FHL2: variants seen among roughly 807,000 people sequenced by gnomAD.
The protein encoded by FHL2 is four and a half LIM domains 2, also known as four and a half LIM domains protein 2.
In FHL2, 20 loss-of-function variants were observed where a neutral mutation model predicts 32.7. That is an observed-to-expected ratio of 0.61 (90% CI 0.43 to 0.89). FHL2 has a LOEUF of 0.89. Among genes scored for constraint, FHL2 ranks in the 40% least tolerant of loss-of-function variants. The pLI is 0.00. For missense variants in FHL2, 311 were observed against 358.6 expected, an observed-to-expected ratio of 0.87 and a Z score of 1.07; for synonymous variants, 123 against 128.1, an observed-to-expected ratio of 0.96 and a Z score of 0.27.
At chr2:105,409,480 C>A (rs1160868649) in intron 1 of FHL2, among the ~76,000 whole-genome samples, 1 of 152,156 alleles carries the variant, frequency 6.6e-6, no homozygotes, top group Non-Finnish European at 1.5e-5. Flanking sequence ...GATTTGCCAG[C>A]TCTTTAGGTC....
chr2:105,371,908 A>G (rs955716202), intron 4 of FHL2, among the ~76,000 whole-genome samples: 3 of 152,074 alleles, frequency 2.0e-5, no homozygotes, highest in African/African-American at 7.2e-5. Flanking sequence ...ACGGGCTTCA[A>G]TTCTCATTTG....
rs560732387 is a variant in FHL2 at position 105,417,111 on chromosome 2, C to T, written c.-25+21288G>A. On this transcript the variant is annotated intron_variant, in intron 1 of 5. Coordinates refer to the FHL2 transcript ENST00000393352. Reference sequence around the variant, plus strand: ...AAAAGATGTGTGTTGCGGCCGGGCGCGGTGGCTCACGCCGGTAATCCCAGC... The same window carrying T: ...AAAAGATGTGTGTTGCGGCCGGGCGTGGTGGCTCACGCCGGTAATCCCAGC... Among the ~76,000 whole-genome samples, 12 of 152,296 alleles carry T rather than the reference C, an allele frequency of 7.9e-5. No homozygotes were observed. In the South Asian group the frequency reaches 1.9e-3, roughly 24 times the overall value.
chr2:105,399,311 G>T (rs1026304491), upstream of FHL2: 10 of 1,535,718 alleles, frequency 6.5e-6, no homozygotes, highest in Non-Finnish European at 8.7e-6. Flanking sequence ...GTGGGCTCTC[G>T]GGCGCGAGTT....
chr2:105,364,951 C>G (rs757219234), intron 5 of FHL2, among the ~76,000 whole-genome samples: 6 of 152,240 alleles, frequency 3.9e-5, no homozygotes, highest in Non-Finnish European at 7.3e-5. Context: ...TATAACCCAC[C>G]CCACTGCACA....
intron 1 of FHL2, among the ~76,000 whole-genome samples, chr2:105,420,255 A>G (rs965031846): frequency 2.6e-5 from 4 of 152,138 alleles, no homozygotes; most frequent in African/African-American, 9.7e-5. Flanking sequence ...TTTGCTGGCA[A>G]TCTTTGGCAT....
chr2:105,412,300 G>A (rs1047414436), intron 1 of FHL2, among the ~76,000 whole-genome samples: 7 of 152,180 alleles, frequency 4.6e-5, no homozygotes, highest in Non-Finnish European at 1.0e-4. Flanking sequence ...TGGACCTTGA[G>A]GTCATTATGC....
intron 1 of FHL2, among the ~76,000 whole-genome samples, chr2:105,421,117 T>C (rs1482944716): frequency 6.6e-6 from 1 of 152,230 alleles, no homozygotes; most frequent in Non-Finnish European, 1.5e-5. Context: ...TCAGACTCCA[T>C]GTGGTCCAGT....
chr2:105,434,483 A>G (rs554608335), intron 1 of FHL2, among the ~76,000 whole-genome samples: 10 of 152,224 alleles, frequency 6.6e-5, no homozygotes, highest in Non-Finnish European at 1.2e-4. Flanking sequence ...CACTAGAATC[A>G]CTTGAACCTG....
chr2:105,391,759 T>C (rs571827288), intron 2 of FHL2, among the ~76,000 whole-genome samples: 39 of 152,278 alleles, frequency 2.6e-4, no homozygotes, highest in African/African-American at 7.5e-4. Context: ...TACAAGGACT[T>C]ATTAACCTAA....
intron 2 of FHL2, chr2:105,389,953 G>C: frequency 6.6e-6 from 1 of 152,464 alleles, no homozygotes; most frequent in Non-Finnish European, 1.5e-5. Context: ...ATCTGGCCAG[G>C]TGCGGTGGCT....
chr2:105,372,234 T>A (rs997050462), intron 4 of FHL2, among the ~76,000 whole-genome samples: 2 of 13,570 alleles, frequency 1.5e-4, no homozygotes, highest in Non-Finnish European at 2.6e-4. Flanking sequence ...CATAACTTTC[T>A]TTTTTTTTTG....
chr2:105,392,018 G>T (rs577422143), intron 2 of FHL2, among the ~76,000 whole-genome samples: 100 of 152,316 alleles, frequency 6.6e-4, no homozygotes, highest in Admixed American at 3.3e-3. Flanking sequence ...CTTCGGCCCT[G>T]AATAGGGTAT....
At chr2:105,431,116 C>T (rs182071515) in intron 1 of FHL2, among the ~76,000 whole-genome samples, 1 of 152,290 alleles carries the variant, frequency 6.6e-6, no homozygotes, top group Admixed American at 6.5e-5. Context: ...TATAACATTT[C>T]CCCTCTACAA....
At chr2:105,428,232 A>G (rs1252822284) in intron 1 of FHL2, among the ~76,000 whole-genome samples, 2 of 152,168 alleles carry the variant, frequency 1.3e-5, no homozygotes, top group Non-Finnish European at 2.9e-5. Context: ...GAGTGGAGGT[A>G]TGCGTATATG....
At chr2:105,363,077 G>A in intron 6 of FHL2, 1 of 570,362 alleles carries the variant, frequency 1.8e-6, no homozygotes, top group Admixed American at 3.2e-5. Context: ...GTTGTGATCA[G>A]GTGGGCTGCA....
At chr2:105,415,744 A>T (rs1371915652) in intron 1 of FHL2, among the ~76,000 whole-genome samples, 1 of 152,230 alleles carries the variant, frequency 6.6e-6, no homozygotes, top group Non-Finnish European at 1.5e-5. Flanking sequence ...TAAGCAATGC[A>T]AATTTCTTAA....
upstream of FHL2, among the ~76,000 whole-genome samples, chr2:105,401,317 A>G (rs1385821266): frequency 2.0e-5 from 3 of 152,174 alleles, no homozygotes; most frequent in Non-Finnish European, 2.9e-5. Flanking sequence ...AGTTGTTTCA[A>G]AATAATTTGG....
chr2:105,420,379 C>T (rs1684063691), intron 1 of FHL2, among the ~76,000 whole-genome samples: 1 of 152,164 alleles, frequency 6.6e-6, no homozygotes, highest in Non-Finnish European at 1.5e-5. Context: ...AAGGGCACCA[C>T]TCATATTGGA....
rs762877834 is a variant in FHL2 at position 105,398,853 on chromosome 2, A to G, written c.-87T>C. Reference sequence around the variant, plus strand: ...TGCTCTCCTCTCACCAGTCTCCCCAACTCCGGCTCTGCTCCCCTCTCCTTG... The same window carrying G: ...TGCTCTCCTCTCACCAGTCTCCCCAGCTCCGGCTCTGCTCCCCTCTCCTTG... On this transcript the variant is annotated 5_prime_UTR_variant, in exon 1 of 7. Transcript: ENST00000530340. The G allele has an allele frequency of 1.1e-5, 16 of 1,449,792 alleles. No homozygotes were observed. The highest frequency in any genetic ancestry group is 5.5e-5 in the Admixed American group (2 of 36,072). The allele number at this position is 1,449,792 out of a possible 1,614,324, so 89.8% of individuals were successfully genotyped here.
Sources: gnomAD v4.1 joint callset for allele counts (sites outside exome capture counted in the v4.1 genomes callset) on GRCh38, gnomAD v4.1.1 for gene constraint, MANE v1.5 for transcripts, NCBI Gene and HGNC (gene_info 2026-07-23, HGNC 2026-07-21) for gene names.